Variants in ITGA1 observed in about 807,000 individuals in gnomAD.
The protein encoded by ITGA1 is integrin alpha-1.
In ITGA1, 85 loss-of-function variants were observed where a neutral mutation model predicts 145.9. That is an observed-to-expected ratio of 0.58 (90% confidence interval 0.49 to 0.70). The LOEUF (loss-of-function observed/expected upper bound fraction) is 0.70. Ranked by LOEUF, ITGA1 falls within the 30% of genes least tolerant of loss-of-function variation. ITGA1 has a pLI of 0.00. For missense variants in ITGA1, 1,351 were observed against 1,418.7 expected (o/e 0.95, Z 0.77); for synonymous variants, 520 against 495.3 (o/e 1.05, Z -0.66).
chr5:52,794,887 A>G (rs879382120), intron 1 of ITGA1, among the ~76,000 whole-genome samples: 11 of 151,946 alleles, frequency 7.2e-5, no homozygotes, highest in Non-Finnish European at 1.3e-4. Flanking sequence ...TTTCCAAACC[A>G]TGTATAATAA....
chr5:52,849,608 G>T, intron 2 of ITGA1, 123 bp downstream of exon 2: 1 of 927,736 alleles, frequency 1.1e-6, no homozygotes. Context: ...GGTAGAAAAT[G>T]CAGTCTAGTC....
intron 2 of ITGA1, among the ~76,000 whole-genome samples, chr5:52,852,950 T>C (rs865818308): frequency 6.6e-6 from 1 of 152,126 alleles, no homozygotes; most frequent in South Asian, 2.1e-4. Flanking sequence ...ATAGATTTCA[T>C]CTCTACACTC....
intron 1 of ITGA1, among the ~76,000 whole-genome samples, chr5:52,832,705 T>A (rs1385405221): frequency 1.3e-5 from 2 of 151,702 alleles, no homozygotes; most frequent in African/African-American, 4.8e-5. Flanking sequence ...CAGATTTAAA[T>A]ACTGAAAAAT....
At chr5:52,814,741 G>A (rs538947649) in intron 1 of ITGA1, among the ~76,000 whole-genome samples, 27 of 151,988 alleles carry the variant, frequency 1.8e-4, no homozygotes, top group Middle Eastern at 3.4e-3. Flanking sequence ...AAAAAAAAGG[G>A]GGGGAAAGAA....
rs530572431 is a variant in ITGA1, at chr5:52,884,259, C to CA, written c.773+2239dup. Among the ~76,000 whole-genome samples the CA allele has an allele frequency of 1.8e-3, 271 of 152,076 alleles. 1 individual carries two copies. Among genetic ancestry groups the CA allele is most frequent in the African/African-American group, 6.3e-3 (261 of 41,484 alleles). On this transcript the variant is annotated intron_variant, in intron 7 of 28. Coordinates refer to ENST00000282588, the MANE Select transcript of ITGA1 (RefSeq NM_181501.2). ...AGGAGTTCGAGAGCAGCCTGGCCAACATGGTGAAACCCCATCTCTACTAAA... is the reference window on the plus strand; with the variant it reads ...AGGAGTTCGAGAGCAGCCTGGCCAACAATGGTGAAACCCCATCTCTACTAAA...
At chr5:52,829,089 C>T (rs979247125) in intron 1 of ITGA1, among the ~76,000 whole-genome samples, 1 of 152,164 alleles carries the variant, frequency 6.6e-6, no homozygotes, top group African/African-American at 2.4e-5. Flanking sequence ...GAACCTATTT[C>T]CAAATAAGGT....
At chr5:52,807,929 A>G (rs887516915) in intron 1 of ITGA1, among the ~76,000 whole-genome samples, 1 of 152,194 alleles carries the variant, frequency 6.6e-6, no homozygotes, top group Non-Finnish European at 1.5e-5. Flanking sequence ...ACCCCTGGGT[A>G]TGCAAGGATG....
chr5:52,944,909 C>T, intron 26 of ITGA1, 34 bp from the exon 27 acceptor site: 1 of 1,390,052 alleles, frequency 7.2e-7, no homozygotes, highest in East Asian at 2.3e-5. Flanking sequence ...TGATTAGCAT[C>T]ATATATTAAG....
chr5:52,917,359 G>A (rs923898431), intron 15 of ITGA1, among the ~76,000 whole-genome samples: 6 of 152,074 alleles, frequency 3.9e-5, no homozygotes, highest in Non-Finnish European at 5.9e-5. Flanking sequence ...TTTTTACCAA[G>A]GATTTAACTT....
intron 2 of ITGA1, among the ~76,000 whole-genome samples, chr5:52,860,281 C>T (rs1020650692): frequency 2.0e-5 from 3 of 152,224 alleles, no homozygotes; most frequent in Non-Finnish European, 4.4e-5. Flanking sequence ...GGCGTGGTGG[C>T]TCATGCCTGT....
At chr5:52,887,028 C>A (rs568247079) in intron 7 of ITGA1, among the ~76,000 whole-genome samples, 2 of 151,940 alleles carry the variant, frequency 1.3e-5, no homozygotes, top group African/African-American at 4.9e-5. Flanking sequence ...CTGCCCGCCT[C>A]GGCCTCCCTG....
At chr5:52,801,893 C>A in intron 1 of ITGA1, 1 of 1,309,614 alleles carries the variant, frequency 7.6e-7, no homozygotes, top group Non-Finnish European at 1.0e-6. Context: ...TGTTACAGTA[C>A]ATTTCTCAGC....
chr5:52,794,500 TACACACAC>T (rs56996823), intron 1 of ITGA1, among the ~76,000 whole-genome samples: 1,641 of 141,908 alleles, frequency 0.012, 14 homozygotes, highest in Non-Finnish European at 0.018. Context: ...CAAATAGAAA[TACACACAC>T]ACACACACAC....
At position 52,911,987 on chromosome 5, in the gene ITGA1, G is replaced by GTGTATCTACTATATATACTATA. The variant is rs1561246754; in HGVS notation, c.1857+1569_1857+1570insGTATCTACTATATATACTATAT. Among the ~76,000 whole-genome samples the GTGTATCTACTATATATACTATA allele has an allele frequency of 1.4e-3, 74 of 54,378 alleles. 4 individuals carry two copies. Among genetic ancestry groups the GTGTATCTACTATATATACTATA allele is most frequent in the South Asian group, 1.7e-3 (3 of 1,724 alleles). 35.7% of individuals were successfully genotyped at this position (54,378 alleles called of 152,430 possible). On this transcript the variant is annotated intron_variant, in intron 14 of 28. Coordinates refer to ENST00000282588, the MANE Select transcript of ITGA1 (RefSeq NM_181501.2). ...AGTGTATCTACTATATATACTATAT[G>GTGTATCTACTATATATACTATA]TATAGTGTGTATCTACTATATATAC...
At chr5:52,853,056 G>C (rs1749453674) in intron 2 of ITGA1, among the ~76,000 whole-genome samples, 1 of 152,116 alleles carries the variant, frequency 6.6e-6, no homozygotes, top group Non-Finnish European at 1.5e-5. Flanking sequence ...ATATTAATAT[G>C]TGTGTAAGTT....
chr5:52,868,156 T>C (rs1362685625), intron 6 of ITGA1, among the ~76,000 whole-genome samples: 3 of 152,206 alleles, frequency 2.0e-5, no homozygotes, highest in Admixed American at 2.0e-4. Context: ...CCAAAGCTAA[T>C]AACATGCTTG....
chr5:52,894,885 A>C (rs913067334), intron 9 of ITGA1, among the ~76,000 whole-genome samples: 3 of 152,164 alleles, frequency 2.0e-5, no homozygotes, highest in African/African-American at 7.2e-5. Context: ...AAAAATTAGA[A>C]TATGAAAATG....
chr5:52,857,626 T>C (rs924551491), intron 2 of ITGA1, among the ~76,000 whole-genome samples: 11 of 152,354 alleles, frequency 7.2e-5, no homozygotes, highest in Admixed American at 2.6e-4. Context: ...TGCTGTTTTC[T>C]GATTCTTGCT....
intron 14 of ITGA1, among the ~76,000 whole-genome samples, chr5:52,914,647 G>T (rs192637820): frequency 5.9e-4 from 89 of 151,820 alleles, no homozygotes; most frequent in African/African-American, 2.0e-3. Flanking sequence ...ACCTGTTTAA[G>T]GATGAAAAAT....
Sources: gnomAD v4.1 joint callset for allele counts (sites outside exome capture counted in the v4.1 genomes callset) on GRCh38, gnomAD v4.1.1 for gene constraint, MANE v1.5 for transcripts, NCBI Gene and HGNC (gene_info 2026-07-23, HGNC 2026-07-21) for gene names.